NPHP1: variants seen among roughly 807,000 people sequenced by gnomAD.
NPHP1 encodes the protein nephrocystin-1.
NPHP1 carries 70 observed loss-of-function variants against 90.4 expected under a neutral mutation model. The ratio of observed to expected loss-of-function variants is 0.77; its 90% confidence interval spans 0.64 to 0.95. NPHP1 has a LOEUF of 0.95. NPHP1 is among the 40% of genes least tolerant of loss of function. The pLI is 0.00. For synonymous variants in NPHP1, 256 were observed against 271.7 expected, an observed-to-expected ratio of 0.94 and a Z score of 0.57; for missense variants, 764 against 795.9, an observed-to-expected ratio of 0.96 and a Z score of 0.48.
intron 2 of NPHP1, among the ~76,000 whole-genome samples, chr2:110,194,053 C>A (rs1366431073): frequency 6.6e-6 from 1 of 151,846 alleles, no homozygotes; most frequent in Non-Finnish European, 1.5e-5. Flanking sequence ...CAAGAGAAAG[C>A]AGGAAAGAAA....
chr2:110,171,689 T>G (rs1238665315), intron 4 of NPHP1, among the ~76,000 whole-genome samples: 2 of 152,146 alleles, frequency 1.3e-5, no homozygotes, highest in Admixed American at 1.3e-4. Flanking sequence ...TTGATAACGG[T>G]TTTTCCCCTT....
At chr2:110,194,276 G>A (rs1363552578) in intron 2 of NPHP1, among the ~76,000 whole-genome samples, 4 of 151,878 alleles carry the variant, frequency 2.6e-5, no homozygotes, top group East Asian at 1.9e-4. Context: ...TAATAAAGAA[G>A]AAAAGAGAGA....
chr2:110,153,983 CA>C (rs35010593), intron 11 of NPHP1, among the ~76,000 whole-genome samples: 1,558 of 142,244 alleles, frequency 0.011, 17 homozygotes, highest in African/African-American at 0.034. Flanking sequence ...AACTCCATCT[CA>C]AAAAAAAAAA....
chr2:110,193,599 G>A (rs1005878458), intron 2 of NPHP1, among the ~76,000 whole-genome samples: 3 of 152,030 alleles, frequency 2.0e-5, no homozygotes, highest in African/African-American at 4.8e-5. Flanking sequence ...ACAGATCAAC[G>A]GGACAGAAAG....
In NPHP1 at chr2:110,154,740, G is replaced by A. The variant is rs190417163; in HGVS notation, c.1084-4484C>T. On this transcript the variant is annotated intron_variant, in intron 11 of 19. Transcript: ENST00000445609. ...GAGAGATGATTTAGGGTATCTGTTGGAAGAAATTTCTAAGTAGCAAAGCAC... is the reference window on the plus strand; with the variant it reads ...GAGAGATGATTTAGGGTATCTGTTGAAAGAAATTTCTAAGTAGCAAAGCAC... 2.5e-3 allele frequency among the ~76,000 whole-genome samples: 385 copies of A among 152,188 alleles called. 4 individuals carry two copies. The highest frequency in any genetic ancestry group is 4.7e-3 in the Non-Finnish European group (320 of 68,008).
chr2:110,177,326 T>A (rs555137189), intron 4 of NPHP1, among the ~76,000 whole-genome samples: 10 of 152,206 alleles, frequency 6.6e-5, no homozygotes, highest in Middle Eastern at 3.4e-3. Flanking sequence ...ACCTTCAGCA[T>A]TTTTTCCCAG....
intron 2 of NPHP1, chr2:110,184,181 C>A: frequency 1.8e-6 from 1 of 562,586 alleles, no homozygotes; most frequent in South Asian, 1.4e-5. Context: ...TGGGCCTACC[C>A]ATGCATATTC....
chr2:110,132,066 C>T (rs191920725), intron 16 of NPHP1, among the ~76,000 whole-genome samples: 39 of 152,186 alleles, frequency 2.6e-4, no homozygotes, highest in African/African-American at 7.2e-4. Flanking sequence ...CAAATAAAAA[C>T]GGGAAGCCAC....
At chr2:110,179,226 C>T (rs1683716246) in intron 3 of NPHP1, among the ~76,000 whole-genome samples, 1 of 151,864 alleles carries the variant, frequency 6.6e-6, no homozygotes, top group Non-Finnish European at 1.5e-5. Flanking sequence ...ACATTGATAT[C>T]AGAGCTGCCA....
chr2:110,132,455 G>T (rs1198791543), intron 16 of NPHP1, among the ~76,000 whole-genome samples: 1 of 152,190 alleles, frequency 6.6e-6, no homozygotes, highest in African/African-American at 2.4e-5. Flanking sequence ...AGGAGTTTGA[G>T]ACCAGCCTGG....
At chr2:110,185,810 C>A (rs1221436288) in intron 2 of NPHP1, among the ~76,000 whole-genome samples, 1 of 152,164 alleles carries the variant, frequency 6.6e-6, no homozygotes, top group Non-Finnish European at 1.5e-5. Flanking sequence ...CAGGACCACA[C>A]CAGCCACTGG....
intron 2 of NPHP1, among the ~76,000 whole-genome samples, chr2:110,183,338 G>A (rs1042659473): frequency 2.0e-5 from 3 of 152,206 alleles, no homozygotes; most frequent in African/African-American, 7.2e-5. Flanking sequence ...AATAGCATGA[G>A]CGATCTGTGC....
Position 110,201,420 on chromosome 2 carries a change from C to G in NPHP1, c.143+1G>C, listed in dbSNP as rs745806504. On this transcript the variant is annotated splice_donor_variant, in intron 2 of 19. Transcript: ENST00000445609. LOFTEE classifies it high-confidence loss of function. ...AGCTTATATAATTTAGCATACTTTACCTTTGATAAATATGTTGTCTTTTAT... is the reference window on the plus strand; with the variant it reads ...AGCTTATATAATTTAGCATACTTTAGCTTTGATAAATATGTTGTCTTTTAT... 1.9e-6 allele frequency: 3 copies of G among 1,593,638 alleles called. No homozygotes were observed. The highest frequency in any genetic ancestry group is 1.7e-4 in the Middle Eastern group (1 of 5,770).
intron 16 of NPHP1, among the ~76,000 whole-genome samples, chr2:110,140,920 G>A (rs890110912): frequency 6.6e-6 from 1 of 152,136 alleles, no homozygotes; most frequent in Non-Finnish European, 1.5e-5. Flanking sequence ...AAGAACAAGG[G>A]ATATTTAAGC....
chr2:110,192,848 A>G (rs1670343778), intron 2 of NPHP1, among the ~76,000 whole-genome samples: 2 of 152,194 alleles, frequency 1.3e-5, no homozygotes, highest in South Asian at 4.1e-4. Flanking sequence ...ATGGCGGCCA[A>G]TATTCAACTT....
intron 13 of NPHP1, 126 bp downstream of exon 13, chr2:110,147,790 C>T (rs367896134): frequency 1.5e-6 from 1 of 665,758 alleles, no homozygotes; most frequent in African/African-American, 1.8e-5. Flanking sequence ...CTGGCATTCT[C>T]ATTCCTCAAG....
At chr2:110,195,673 C>CA (rs1464476841) in intron 2 of NPHP1, among the ~76,000 whole-genome samples, 2 of 151,976 alleles carry the variant, frequency 1.3e-5, no homozygotes, top group Non-Finnish European at 2.9e-5. Flanking sequence ...CATATGGAAC[C>CA]AAAAAAGAGC....
At position 110,164,621 on chromosome 2, in the gene NPHP1, T is replaced by C; in HGVS notation, c.771+67A>G. 1.2e-6 allele frequency: 2 copies of C among 1,611,940 alleles called. No homozygotes were observed. The highest frequency in any genetic ancestry group is 1.7e-6 in the Non-Finnish European group (2 of 1,178,094). On this transcript the variant is annotated intron_variant, in intron 8 of 19. Coordinates refer to ENST00000445609, the MANE Select transcript of NPHP1 (RefSeq NM_001128178.3). ...CCATTGGTGTCTTCCACAGTCTCCA[T>C]CCTATTTCGCATCAGAACTATTAGG...
intron 11 of NPHP1, among the ~76,000 whole-genome samples, chr2:110,158,862 A>C (rs1682101245): frequency 6.6e-6 from 1 of 151,958 alleles, no homozygotes; most frequent in South Asian, 2.1e-4. Flanking sequence ...CTTAGGAAAA[A>C]AGTGTTCAGT....
Sources: gnomAD v4.1 joint callset for allele counts (sites outside exome capture counted in the v4.1 genomes callset) on GRCh38, gnomAD v4.1.1 for gene constraint, MANE v1.5 for transcripts, NCBI Gene and HGNC (gene_info 2026-07-23, HGNC 2026-07-21) for gene names.